Variants in DLG2 observed in about 807,000 individuals in gnomAD.
DLG2 encodes discs large MAGUK scaffold protein 2, also known as disks large homolog 2.
Under a neutral mutation model 132.5 loss-of-function variants are expected in DLG2, and 45 were observed. The ratio of observed to expected loss-of-function variants is 0.34; its 90% CI spans 0.27 to 0.44. The LOEUF (loss-of-function observed/expected upper bound fraction) is 0.44. DLG2 is among the 20% of genes least tolerant of loss of function. DLG2 has a pLI of 1.00. For synonymous variants in DLG2, 424 were observed against 419.6 expected (o/e 1.01, Z -0.13); for missense variants, 1,045 against 1,196.9 (o/e 0.87, Z 1.87).
At chr11:83,509,990 T>C (rs1349098920) in intron 21 of DLG2, among the ~76,000 whole-genome samples, 1 of 152,176 alleles carries the variant, frequency 6.6e-6, no homozygotes. Context: ...TGAAGGCCAA[T>C]AGGCAAATAT....
intron 6 of DLG2, among the ~76,000 whole-genome samples, chr11:84,918,841 C>A (rs537674372): frequency 6.6e-5 from 10 of 152,120 alleles, no homozygotes; most frequent in Middle Eastern, 3.4e-3. Context: ...AACAAATAAT[C>A]TGAAAAGAAG....
chr11:85,515,927 C>T (rs190894316), intron 3 of DLG2, among the ~76,000 whole-genome samples: 1 of 151,984 alleles, frequency 6.6e-6, no homozygotes, highest in Non-Finnish European at 1.5e-5. Flanking sequence ...AGAATCAGTT[C>T]TCCTTGATTA....
chr11:84,905,689 G>T (rs545878353), intron 6 of DLG2, among the ~76,000 whole-genome samples: 2 of 152,094 alleles, frequency 1.3e-5, no homozygotes, highest in African/African-American at 4.8e-5. Context: ...AGTAAGCATG[G>T]GCTGACTTCT....
chr11:83,779,281 T>C (rs1446723827), intron 18 of DLG2, among the ~76,000 whole-genome samples: 1 of 152,088 alleles, frequency 6.6e-6, no homozygotes, highest in Non-Finnish European at 1.5e-5. Context: ...AAAACTGTAA[T>C]ATATTTGAAC....
intron 7 of DLG2, among the ~76,000 whole-genome samples, chr11:84,473,021 T>C (rs2099112522): frequency 6.6e-6 from 1 of 151,928 alleles, no homozygotes; most frequent in Non-Finnish European, 1.5e-5. Context: ...ATGCCAAAGC[T>C]AGAAGGAACT....
intron 6 of DLG2, among the ~76,000 whole-genome samples, chr11:84,642,142 G>GTA (rs2099667985): frequency 7.0e-6 from 1 of 142,832 alleles, no homozygotes; most frequent in Admixed American, 7.0e-5. Flanking sequence ...GTGTGTGTGT[G>GTA]TATTAAAAAA....
chr11:85,109,530 T>C (rs972333320), intron 6 of DLG2, among the ~76,000 whole-genome samples: 27 of 152,124 alleles, frequency 1.8e-4, no homozygotes, highest in African/African-American at 6.5e-4. Flanking sequence ...TAATGAAAGA[T>C]GAACGATTTA....
chr11:84,060,731 TATCC>T (rs1375300062), intron 10 of DLG2, among the ~76,000 whole-genome samples: 1 of 152,154 alleles, frequency 6.6e-6, no homozygotes, highest in African/African-American at 2.4e-5. Flanking sequence ...TCACTCTGTA[TATCC>T]ATTCTAGTGT....
chr11:85,148,999 A>C (rs1239910189), intron 5 of DLG2, among the ~76,000 whole-genome samples: 1 of 152,220 alleles, frequency 6.6e-6, no homozygotes, highest in Non-Finnish European at 1.5e-5. Flanking sequence ...CATTTATTAA[A>C]TACGGAATCC....
At chr11:83,866,237 A>G (rs2062347913) in intron 16 of DLG2, among the ~76,000 whole-genome samples, 1 of 152,170 alleles carries the variant, frequency 6.6e-6, no homozygotes, top group Admixed American at 6.6e-5. Flanking sequence ...ATCATCATAA[A>G]CAGAATCAAG....
intron 3 of DLG2, among the ~76,000 whole-genome samples, chr11:85,591,079 G>A (rs2079298855): frequency 6.6e-6 from 1 of 152,132 alleles, no homozygotes; most frequent in Non-Finnish European, 1.5e-5. Context: ...AAAGTCCTGA[G>A]TCAGAGTCCA....
intron 6 of DLG2, among the ~76,000 whole-genome samples, chr11:84,890,001 A>G (rs1044326492): frequency 6.6e-6 from 1 of 152,234 alleles, no homozygotes; most frequent in Non-Finnish European, 1.5e-5. Context: ...AGTGAAATAT[A>G]TGGATAGTCA....
intron 11 of DLG2, among the ~76,000 whole-genome samples, chr11:84,004,264 G>T (rs888114688): frequency 3.3e-5 from 5 of 151,970 alleles, no homozygotes; most frequent in African/African-American, 9.7e-5. Context: ...TATACCAAGG[G>T]ATGCAAGAAT....
chr11:85,138,998 T>TC (rs1011033093), intron 5 of DLG2, among the ~76,000 whole-genome samples: 1 of 152,068 alleles, frequency 6.6e-6, no homozygotes, highest in Non-Finnish European at 1.5e-5. Flanking sequence ...AAACTGTTTT[T>TC]CCCTGGATTT....
chr11:83,940,173 C>A (rs76564865), intron 14 of DLG2, among the ~76,000 whole-genome samples: 208 of 152,294 alleles, frequency 1.4e-3, no homozygotes, highest in African/African-American at 4.9e-3. Flanking sequence ...TAAGAAGCAC[C>A]TTTACATATA....
intron 6 of DLG2, among the ~76,000 whole-genome samples, chr11:85,087,844 CAAAAAAAA>C (rs71465019): frequency 7.6e-3 from 167 of 22,052 alleles, no homozygotes; most frequent in Non-Finnish European, 0.012. Flanking sequence ...GACTCCGTCT[CAAAAAAAA>C]AAAAAAAAAA....
At chr11:84,007,079 T>G (rs2094606117) in intron 11 of DLG2, among the ~76,000 whole-genome samples, 1 of 151,716 alleles carries the variant, frequency 6.6e-6, no homozygotes, top group Non-Finnish European at 1.5e-5. Context: ...TAGGGCTCTT[T>G]GTAAAAGAGA....
At chr11:84,548,523 C>A (rs944808519) in intron 6 of DLG2, among the ~76,000 whole-genome samples, 1 of 149,190 alleles carries the variant, frequency 6.7e-6, no homozygotes, top group African/African-American at 2.5e-5. Flanking sequence ...TGAGTAAGAA[C>A]ATGCGGTGTT....
intron 6 of DLG2, among the ~76,000 whole-genome samples, chr11:84,632,392 A>T (rs1036900566): frequency 6.6e-6 from 1 of 152,184 alleles, no homozygotes; most frequent in African/African-American, 2.4e-5. Flanking sequence ...AATTACTGGA[A>T]ATAAGAATCT....
Sources: allele counts gnomAD v4.1 joint callset (sites outside exome capture counted in the v4.1 genomes callset), GRCh38; gene constraint gnomAD v4.1.1; transcripts MANE v1.5; gene names NCBI Gene and HGNC (gene_info 2026-07-23, HGNC 2026-07-21).